CLIP1: variants seen among roughly 807,000 people sequenced by gnomAD.
CLIP1 encodes the protein CAP-Gly domain containing linker protein 1, also known as CAP-Gly domain-containing linker protein 1.
In CLIP1, 66 loss-of-function variants were observed where a neutral mutation model predicts 161.6. The ratio of observed to expected loss-of-function variants is 0.41; its 90% CI spans 0.33 to 0.50. The LOEUF is 0.50. Among genes scored for constraint, CLIP1 ranks in the 20% least tolerant of loss-of-function variants. The pLI, the probability that CLIP1 is intolerant of heterozygous loss-of-function variation, is 0.27. For synonymous variants in CLIP1, 598 were observed against 626.2 expected (o/e 0.96, Z 0.67); for missense variants, 1,376 against 1,702.0 (o/e 0.81, Z 3.37).
chr12:122,291,910 T>C (rs1950264381), intron 20 of CLIP1, among the ~76,000 whole-genome samples: 1 of 152,232 alleles, frequency 6.6e-6, no homozygotes. Flanking sequence ...CTGGTTACCA[T>C]ATGATGATTG....
At chr12:122,384,773 A>T (rs1170463880) in intron 1 of CLIP1, among the ~76,000 whole-genome samples, 5 of 151,804 alleles carry the variant, frequency 3.3e-5, no homozygotes, top group African/African-American at 4.8e-5. Flanking sequence ...AAAATAAAAA[A>T]AAAAAATAAA....
chr12:122,388,804 G>C (rs1258502063), intron 1 of CLIP1, among the ~76,000 whole-genome samples: 1 of 151,550 alleles, frequency 6.6e-6, no homozygotes, highest in Non-Finnish European at 1.5e-5. Flanking sequence ...TAAACTCCTA[G>C]GCTCAAGTAA....
intron 5 of CLIP1, among the ~76,000 whole-genome samples, chr12:122,357,844 G>A (rs1206819364): frequency 6.6e-5 from 10 of 150,916 alleles, no homozygotes; most frequent in East Asian, 4.0e-4. Context: ...CCGGCCAGCC[G>A]CCCCGCCTGG....
intron 1 of CLIP1, among the ~76,000 whole-genome samples, chr12:122,420,502 C>T (rs1956904275): frequency 6.6e-6 from 1 of 152,180 alleles, no homozygotes; most frequent in Admixed American, 6.6e-5. Context: ...AAATACCTAC[C>T]CAGGGTCCCA....
At position 122,361,147 on chromosome 12, in the gene CLIP1, C is replaced by T. The variant is rs1375747027; in HGVS notation, c.817G>A (p.Ala273Thr). Reference sequence around the variant, plus strand: ...ATCTTGGTAACTTTGTGGACAGGAGCGAACAAGCCATATTTGGGTTGACAC... The same window carrying T: ...ATCTTGGTAACTTTGTGGACAGGAGTGAACAAGCCATATTTGGGTTGACAC... ...FQCQPKYGLF[A>T]PVHKVTKIGF... is the part of the protein sequence containing the mutation. The change falls in exon 5 of 26, where the codon GCT (alanine) becomes ACT (threonine). Residue 273 changes from alanine (A) to threonine (T), a missense_variant. This residue lies in a region of CLIP1 where 211 missense variants were observed against 295.1 expected (regional missense o/e 0.72). Transcript: ENST00000620786. 6 of 1,612,274 alleles carry T rather than the reference C, an allele frequency of 3.7e-6. No individual in the cohort carries two copies. Among genetic ancestry groups the T allele is most frequent in the Non-Finnish European group, 5.1e-6 (6 of 1,179,322 alleles).
intron 5 of CLIP1, among the ~76,000 whole-genome samples, chr12:122,358,929 C>T (rs1032246312): frequency 2.0e-5 from 3 of 152,020 alleles, no homozygotes; most frequent in African/African-American, 2.4e-5. Flanking sequence ...GGCATGGTGG[C>T]GTGTGCCTAT....
chr12:122,290,517 G>A (rs569996717), intron 20 of CLIP1, among the ~76,000 whole-genome samples: 1 of 151,998 alleles, frequency 6.6e-6, no homozygotes, highest in Non-Finnish European at 1.5e-5. Flanking sequence ...GAAGGAATCT[G>A]TTTTAGTTTT....
At chr12:122,305,425 T>G (rs558239384) in intron 20 of CLIP1, among the ~76,000 whole-genome samples, 1 of 152,322 alleles carries the variant, frequency 6.6e-6, no homozygotes, top group East Asian at 1.9e-4. Flanking sequence ...AGTGAGACTC[T>G]GTCTCTTAAA....
At chr12:122,290,061 TA>T (rs1407798004) in intron 20 of CLIP1, among the ~76,000 whole-genome samples, 2 of 152,190 alleles carry the variant, frequency 1.3e-5, no homozygotes, top group Non-Finnish European at 2.9e-5. Context: ...AAAGCTCTTA[TA>T]TTTTTTTAAA....
intron 1 of CLIP1, among the ~76,000 whole-genome samples, chr12:122,411,084 A>G (rs1339124025): frequency 6.6e-6 from 1 of 152,190 alleles, no homozygotes; most frequent in Non-Finnish European, 1.5e-5. Flanking sequence ...TCTTAGGTAT[A>G]GGCCCAACAT....
chr12:122,351,291 AATT>A, intron 8 of CLIP1, 148 bp from the exon 9 acceptor site: 1 of 507,058 alleles, frequency 2.0e-6, no homozygotes, highest in Non-Finnish European at 3.4e-6. Flanking sequence ...TGCTGATGTA[AATT>A]ATTTTAACTG....
rs1036109230 is a variant in CLIP1 at position 122,422,512 on chromosome 12, C to G, written c.-107+9G>C. On this transcript the variant is annotated intron_variant, in intron 1 of 25. Transcript: ENST00000620786. ...GAAAGGGAGAGGGCCCGCGCCGCCC[C>G]CTGCTCACCTCCTCGGACGCCGCCG... 6.6e-5 allele frequency: 10 copies of G among 151,944 alleles called. No individual in the cohort carries two copies. The highest frequency in any genetic ancestry group is 3.3e-4 in the Admixed American group (5 of 15,202). 9.4% of individuals were successfully genotyped at this position (151,944 alleles called of 1,614,324 possible). A position where few individuals can be genotyped will look rare whatever the true frequency, so the allele number is the denominator to read the frequency against.
In CLIP1 at chr12:122,380,556, A is replaced by C. The variant is rs1001504039; in HGVS notation, c.-104T>G. On this transcript the variant is annotated splice_region_variant and 5_prime_UTR_variant, in exon 2 of 26. In the 5' UTR this introduces an upstream ATG that the reference lacks. Coordinates refer to ENST00000620786, the MANE Select transcript of CLIP1 (RefSeq NM_001247997.2). ...TATAGTGAAGTCAGTCTCTGGATTA[A>C]ATCTGCAAAGAGAAAGAAATAAAAA... 9 of 613,936 alleles carry C rather than the reference A, an allele frequency of 1.5e-5. No individual in the cohort carries two copies. In the Admixed American group the frequency reaches 1.6e-4, roughly 11 times the overall value. 38.0% of individuals were successfully genotyped at this position (613,936 alleles called of 1,614,324 possible). A position where few individuals can be genotyped will look rare whatever the true frequency, so the allele number is the denominator to read the frequency against.
chr12:122,403,746 C>T (rs1956223357), intron 1 of CLIP1, among the ~76,000 whole-genome samples: 1 of 152,006 alleles, frequency 6.6e-6, no homozygotes, highest in African/African-American at 2.4e-5. Flanking sequence ...GTCTTGAACT[C>T]CTGACCTCAG....
intron 1 of CLIP1, among the ~76,000 whole-genome samples, chr12:122,397,971 A>G (rs1215135347): frequency 1.3e-5 from 2 of 151,390 alleles, no homozygotes; most frequent in African/African-American, 4.8e-5. Context: ...AAACAAAAAA[A>G]AAAGAAAATT....
intron 24 of CLIP1, chr12:122,276,887 CA>C (rs1347699814): frequency 2.4e-5 from 4 of 165,262 alleles, no homozygotes; most frequent in Non-Finnish European, 5.3e-5. Context: ...TCTCGGGCTC[CA>C]GCGATCTGCC....
chr12:122,393,912 CAAAAA>C (rs71082981), intron 1 of CLIP1, among the ~76,000 whole-genome samples: 1,262 of 63,252 alleles, frequency 0.02, 41 homozygotes, highest in Middle Eastern at 0.042. Context: ...ATTCTGTCTC[CAAAAA>C]AAAAAAAAAA....
In CLIP1 at chr12:122,341,302, G is replaced by A. The variant is rs768243688; in HGVS notation, c.1902C>T (p.His634=). The change falls in exon 11 of 26, where the codon CAC becomes CAT. Residue 634 remains histidine (H), a synonymous_variant. Coordinates refer to ENST00000620786, the MANE Select transcript of CLIP1 (RefSeq NM_001247997.2). ...CCTTCAGTTCTTCCATCGCCTGCTG[G>A]TGGGATGCGATGGCAGTCTCCAGTT... is the stretch of plus-strand genomic sequence containing the variant. ...KSKLETAIAS[H]QQAMEELKVS... 4.3e-6 allele frequency: 7 copies of A among 1,613,766 alleles called. No individual in the cohort carries two copies. In the African/African-American group the frequency reaches 9.3e-5, roughly 22 times the overall value.
rs1955207709 is a variant in CLIP1 at position 122,272,159 on chromosome 12, AT to A, written c.*715del. The A allele has an allele frequency of 1.3e-5, 2 of 152,586 alleles. No individual in the cohort carries two copies. The highest frequency in any genetic ancestry group is 4.1e-4 in the South Asian group (2 of 4,834). The allele number at this position is 152,586 out of a possible 1,614,324, so 9.5% of individuals were successfully genotyped here. ...TTCCCAAAATATAGATTTTTAAAAA[AT>A]ATATACATACAATATATAGAAGCTG... On this transcript the variant is annotated 3_prime_UTR_variant, in exon 26 of 26. Coordinates refer to ENST00000620786, the MANE Select transcript of CLIP1 (RefSeq NM_001247997.2).
Sources: gnomAD v4.1 joint callset for allele counts (sites outside exome capture counted in the v4.1 genomes callset) on GRCh38, gnomAD v4.1.1 for gene constraint, gnomAD v4.1.1 regional missense constraint, MANE v1.5 for transcripts, NCBI Gene and HGNC (gene_info 2026-07-23, HGNC 2026-07-21) for gene names.